The following NFATC3 variants were observed in gnomAD, a reference collection of about 807,000 sequenced individuals.
NFATC3 encodes nuclear factor of activated T cells 3.
A neutral mutation model predicts 98.6 loss-of-function variants in NFATC3; 46 were observed. The observed-to-expected ratio is 0.47, with a 90% CI of 0.37 to 0.60. The LOEUF is 0.60. NFATC3 is among the 20% of genes least tolerant of loss of function. The pLI, the probability that NFATC3 is intolerant of heterozygous loss-of-function variation, is 0.00. For missense variants in NFATC3, 1,256 were observed against 1,295.5 expected (o/e 0.97, Z 0.47); for synonymous variants, 512 against 472.2 (o/e 1.08, Z -1.09).
chr16:68,191,859 A>G, intron 9 of NFATC3, 84 bp downstream of exon 9: 8 of 1,420,598 alleles, frequency 5.6e-6, no homozygotes, highest in Non-Finnish European at 6.8e-6. Context: ...GTTTCTATGG[A>G]TTGCTTATTG....
chr16:68,102,312 C>T (rs1472978907), intron 1 of NFATC3, among the ~76,000 whole-genome samples: 1 of 132,522 alleles, frequency 7.5e-6, no homozygotes, highest in Non-Finnish European at 1.5e-5. Context: ...GCAGAGGTTG[C>T]AGTGAGCCGA....
At chr16:68,202,744 G>A (rs575992868) in intron 9 of NFATC3, among the ~76,000 whole-genome samples, 1 of 151,940 alleles carries the variant, frequency 6.6e-6, no homozygotes, top group Admixed American at 6.6e-5. Context: ...CCTAGGAGGC[G>A]GAGGTTGCAG....
intron 3 of NFATC3, among the ~76,000 whole-genome samples, chr16:68,142,694 G>T (rs1337221733): frequency 1.3e-5 from 2 of 151,968 alleles, no homozygotes; most frequent in Non-Finnish European, 2.9e-5. Flanking sequence ...GAAGCCAGAG[G>T]TTGCAGTGAG....
intron 1 of NFATC3, among the ~76,000 whole-genome samples, chr16:68,095,347 ATTTTTTTTTTTTTT>A (rs35343240): frequency 1.3e-4 from 13 of 103,832 alleles, no homozygotes; most frequent in Non-Finnish European, 2.3e-4. Flanking sequence ...TGCCCAGCTA[ATTTTTTTTTTTTTT>A]TTTTTTTTTG....
chr16:68,165,515 G>C (rs2039151230), intron 4 of NFATC3, among the ~76,000 whole-genome samples: 1 of 150,718 alleles, frequency 6.6e-6, no homozygotes, highest in South Asian at 2.1e-4. Context: ...TCCTGCCTCA[G>C]CCTCCCAAGT....
chr16:68,100,153 A>G lies in NFATC3; in HGVS notation c.103+14369A>G, dbSNP rs2035265855. ...TTCGGGTTATTTCCAGTTATTGGCT[A>G]TTATGAAAATTGCTATGAACATTTG... On this transcript the variant is annotated intron_variant, in intron 1 of 9. Transcript: ENST00000346183. Among the ~76,000 whole-genome samples the G allele has an allele frequency of 4.6e-5, 7 of 152,302 alleles. No individual in the cohort carries two copies. In the South Asian group the frequency reaches 1.5e-3, roughly 32 times the overall value.
intron 9 of NFATC3, among the ~76,000 whole-genome samples, chr16:68,213,925 A>G (rs1314190786): frequency 1.3e-5 from 2 of 152,168 alleles, no homozygotes; most frequent in East Asian, 1.9e-4. Context: ...TTGAGTTTGT[A>G]TTTTTATAAA....
chr16:68,193,698 T>C (rs1250240227), intron 9 of NFATC3, among the ~76,000 whole-genome samples: 2 of 152,074 alleles, frequency 1.3e-5, no homozygotes, highest in African/African-American at 4.8e-5. Flanking sequence ...GCCCTCCACA[T>C]ATGCAGATTT....
rs778016298 is a variant in NFATC3, at chr16:68,104,653, G to GTTTTTTT, written c.104-17324_104-17318dup. On this transcript the variant is annotated intron_variant, in intron 1 of 9. Coordinates refer to ENST00000346183, the MANE Select transcript of NFATC3 (RefSeq NM_173165.3). Reference sequence around the variant, plus strand: ...GTTAGCTGTGGGCTTTTCACAAATGGTTTTTTTTTTTTTTTTGAAATGGAG... The same window carrying GTTTTTTT: ...GTTAGCTGTGGGCTTTTCACAAATGGTTTTTTTTTTTTTTTTTTTTTTTGAAATGGAG... 6.0e-4 allele frequency among the ~76,000 whole-genome samples: 76 copies of GTTTTTTT among 126,692 alleles called. 2 individuals are homozygous for GTTTTTTT. The highest frequency in any genetic ancestry group is 1.5e-3 in the Admixed American group (19 of 12,402). The allele number at this position is 126,692 out of a possible 152,430, so 83.1% of individuals were successfully genotyped here. A position where few individuals can be genotyped will look rare whatever the true frequency, so the allele number is the denominator to read the frequency against.
intron 9 of NFATC3, chr16:68,209,382 C>T (rs2041280200): frequency 6.4e-6 from 1 of 156,046 alleles, no homozygotes; most frequent in African/African-American, 2.4e-5. Flanking sequence ...AAAAAGAGTT[C>T]TTTCCCTGCC....
intron 1 of NFATC3, among the ~76,000 whole-genome samples, chr16:68,109,431 A>T (rs761799350): frequency 6.6e-6 from 1 of 152,146 alleles, no homozygotes; most frequent in Non-Finnish European, 1.5e-5. Flanking sequence ...AGCTGACTTG[A>T]TCCTGGTCGA....
At chr16:68,126,641 TA>T in intron 3 of NFATC3, 31 bp downstream of exon 3, 1 of 1,610,302 alleles carries the variant, frequency 6.2e-7, no homozygotes. Context: ...GTTTTGCAGA[TA>T]CCATACACCT....
At chr16:68,124,278 T>G (rs1041636115) in intron 2 of NFATC3, among the ~76,000 whole-genome samples, 1 of 151,610 alleles carries the variant, frequency 6.6e-6, no homozygotes, top group African/African-American at 2.4e-5. Flanking sequence ...TTTAAAAAAA[T>G]TTTTTTTGTT....
chr16:68,134,394 T>C (rs1462107882), intron 3 of NFATC3, among the ~76,000 whole-genome samples: 1 of 151,518 alleles, frequency 6.6e-6, no homozygotes, highest in Non-Finnish European at 1.5e-5. Flanking sequence ...TGCCACTTGC[T>C]TGTTTTCTTG....
At chr16:68,181,610 T>A in intron 7 of NFATC3, 80 bp downstream of exon 7, 1 of 1,069,552 alleles carries the variant, frequency 9.3e-7, no homozygotes, top group Non-Finnish European at 1.4e-6. Context: ...ATGGTATGGA[T>A]GACTCTTTTG....
intron 9 of NFATC3, among the ~76,000 whole-genome samples, chr16:68,215,539 T>C (rs1215230520): frequency 2.0e-5 from 3 of 152,092 alleles, no homozygotes; most frequent in African/African-American, 7.2e-5. Flanking sequence ...AAGGAAGTAT[T>C]ATGTGGAGTG....
In NFATC3 at chr16:68,191,293, C is replaced by T; in HGVS notation, c.2624C>T (p.Thr875Ile). ...GCCCATACACCTCATTCTGTGCATA[C>T]CCTGCCTCATCTGCAATCAATGGGA... is the stretch of plus-strand genomic sequence containing the variant. ...LLAHTPHSVHTLPHLQSMGYH... is the reference protein window; with the variant it reads ...LLAHTPHSVHILPHLQSMGYH... The change falls in exon 9 of 10, where the codon ACC becomes ATC. Residue 875 changes from threonine (T) to isoleucine (I), a missense_variant. Transcript: ENST00000346183. 1 of 1,614,204 alleles carries T rather than the reference C, an allele frequency of 6.2e-7. No homozygotes were observed. Among genetic ancestry groups the T allele is most frequent in the East Asian group, 2.2e-5 (1 of 44,886 alleles).
chr16:68,200,647 A>G (rs1217497467), intron 9 of NFATC3: 2 of 152,104 alleles, frequency 1.3e-5, no homozygotes, highest in Non-Finnish European at 2.9e-5. Context: ...GAAGGCTGTA[A>G]TATAAACTTA....
chr16:68,174,383 C>A lies in NFATC3; in HGVS notation c.1784C>A (p.Ser595Tyr), dbSNP rs961896373. The stretch of plus-strand genomic sequence containing the variant: ...AAAAAATTTAAAACAGCCCAGCGGT[C>A]TGCTCAAGAACTTCCTCATATTGAG... Reference protein sequence around the residue: ...ASIPVECSQRSAQELPHIEKY... With the variant: ...ASIPVECSQRYAQELPHIEKY... Residue 595 changes from serine to tyrosine, a missense_variant, in exon 6 of 10, where the codon TCT becomes TAT. This residue lies in a region of NFATC3 where 636 missense variants were observed against 617.3 expected (regional missense o/e 1.03). Coordinates refer to ENST00000346183, the MANE Select transcript of NFATC3 (RefSeq NM_173165.3). 2 of 1,492,940 alleles carry A rather than the reference C, an allele frequency of 1.3e-6. No homozygotes were observed. Among genetic ancestry groups the A allele is most frequent in the South Asian group, 1.5e-5 (1 of 66,136 alleles). The allele number at this position is 1,492,940 out of a possible 1,614,324, so 92.5% of individuals were successfully genotyped here.
Sources: gnomAD v4.1 joint callset for allele counts (sites outside exome capture counted in the v4.1 genomes callset) on GRCh38, gnomAD v4.1.1 for gene constraint, gnomAD v4.1.1 regional missense constraint, MANE v1.5 for transcripts, NCBI Gene and HGNC (gene_info 2026-07-23, HGNC 2026-07-21) for gene names.